Variants in GRIP1 observed in about 807,000 individuals in gnomAD.
GRIP1 encodes the protein glutamate receptor-interacting protein 1.
Under a neutral mutation model 129.9 loss-of-function variants are expected in GRIP1, and 45 were observed. The observed-to-expected ratio is 0.35, with a 90% CI of 0.27 to 0.44. GRIP1 has a LOEUF of 0.44. Among genes scored for constraint, GRIP1 ranks in the 20% least tolerant of loss-of-function variants. GRIP1 has a pLI of 1.00. For missense variants in GRIP1, 1,196 were observed against 1,396.8 expected (o/e 0.86, Z 2.29); for synonymous variants, 530 against 520.8 (o/e 1.02, Z -0.24).
intron 4 of GRIP1, among the ~76,000 whole-genome samples, chr12:66,537,174 C>G (rs2061630610): frequency 6.6e-6 from 1 of 152,140 alleles, no homozygotes; most frequent in Non-Finnish European, 1.5e-5. Context: ...CAAATACTAA[C>G]TTAATTAATC....
intron 15 of GRIP1, among the ~76,000 whole-genome samples, chr12:66,419,309 G>A (rs1042349029): frequency 6.6e-6 from 1 of 151,148 alleles, no homozygotes; most frequent in African/African-American, 2.5e-5. Context: ...GAAGGGTAGT[G>A]GGGGGGTCAG....
intron 1 of GRIP1, among the ~76,000 whole-genome samples, chr12:66,700,268 A>C (rs1396274252): frequency 6.6e-6 from 1 of 152,152 alleles, no homozygotes; most frequent in African/African-American, 2.4e-5. Flanking sequence ...CTGGAGCAAC[A>C]GGTGCTTTGA....
intron 1 of GRIP1, among the ~76,000 whole-genome samples, chr12:66,849,915 C>A (rs2039881016): frequency 6.6e-6 from 1 of 152,170 alleles, no homozygotes; most frequent in Non-Finnish European, 1.5e-5. Context: ...CAATTTCTGG[C>A]TCTGTCGGTC....
At chr12:66,492,951 A>C (rs1224944822) in intron 7 of GRIP1, among the ~76,000 whole-genome samples, 4 of 152,196 alleles carry the variant, frequency 2.6e-5, no homozygotes, top group African/African-American at 9.7e-5. Flanking sequence ...CGGAGGTTGC[A>C]GTGAACCAAG....
intron 1 of GRIP1, among the ~76,000 whole-genome samples, chr12:66,710,670 T>C (rs928620620): frequency 1.3e-5 from 2 of 151,974 alleles, no homozygotes; most frequent in South Asian, 2.1e-4. Context: ...CCGCCCATCA[T>C]GCACTTTGCA....
chr12:67,006,986 A>G (rs2042636422), intron 1 of GRIP1, among the ~76,000 whole-genome samples: 2 of 152,342 alleles, frequency 1.3e-5, no homozygotes, highest in African/African-American at 2.4e-5. Context: ...AACAAAATCA[A>G]TCATCATAAA....
chr12:66,814,409 T>A (rs1566036061), intron 1 of GRIP1, among the ~76,000 whole-genome samples: 1 of 152,152 alleles, frequency 6.6e-6, no homozygotes, highest in African/African-American at 2.4e-5. Context: ...CACTTTATTA[T>A]AGCTGCTTCT....
At chr12:66,757,041 CAT>C (rs1353349502) in intron 1 of GRIP1, among the ~76,000 whole-genome samples, 1 of 152,196 alleles carries the variant, frequency 6.6e-6, no homozygotes, top group African/African-American at 2.4e-5. Context: ...ATCATTATCA[CAT>C]GAGGGTAAAT....
chr12:66,586,982 T>C (rs1345606257), intron 2 of GRIP1, among the ~76,000 whole-genome samples: 1 of 152,170 alleles, frequency 6.6e-6, no homozygotes, highest in Non-Finnish European at 1.5e-5. Flanking sequence ...CTCAGAATAA[T>C]ATCCAAACTC....
intron 15 of GRIP1, among the ~76,000 whole-genome samples, chr12:66,409,800 A>C (rs1306259558): frequency 1.3e-5 from 2 of 152,240 alleles, no homozygotes; most frequent in East Asian, 3.9e-4. Context: ...AGTGTGTGAT[A>C]ATACAGATCA....
intron 24 of GRIP1, among the ~76,000 whole-genome samples, chr12:66,351,701 G>A (rs957374236): frequency 1.3e-5 from 2 of 152,066 alleles, no homozygotes; most frequent in African/African-American, 4.8e-5. Flanking sequence ...ATATAGGAGG[G>A]GCCCCTAGTC....
At chr12:66,999,579 G>A (rs1008493920) in intron 1 of GRIP1, among the ~76,000 whole-genome samples, 3 of 152,154 alleles carry the variant, frequency 2.0e-5, no homozygotes, top group Non-Finnish European at 4.4e-5. Flanking sequence ...AGAAGATTAA[G>A]TAAGTGAATA....
chr12:66,556,689 A>C (rs2062345313), intron 2 of GRIP1, among the ~76,000 whole-genome samples: 1 of 152,088 alleles, frequency 6.6e-6, no homozygotes, highest in African/African-American at 2.4e-5. Flanking sequence ...GACAAGTTGA[A>C]GTGTAGAGTT....
At chr12:66,896,812 G>A (rs1298858434) in intron 1 of GRIP1, among the ~76,000 whole-genome samples, 3 of 152,168 alleles carry the variant, frequency 2.0e-5, no homozygotes, top group Non-Finnish European at 4.4e-5. Context: ...TAAGTGTCAC[G>A]AAACAAGAAT....
intron 7 of GRIP1, among the ~76,000 whole-genome samples, chr12:66,475,628 C>T (rs1453534702): frequency 3.9e-5 from 6 of 152,224 alleles, no homozygotes; most frequent in Non-Finnish European, 7.3e-5. Context: ...AACAAACTGT[C>T]TCTCAGACCA....
chr12:66,608,968 TATA>T (rs2064672065), intron 1 of GRIP1, among the ~76,000 whole-genome samples: 2 of 147,626 alleles, frequency 1.4e-5, no homozygotes, highest in Admixed American at 6.8e-5. Flanking sequence ...ATATTATATA[TATA>T]TTTTTTTACA....
Position 67,028,104 on chromosome 12 carries a change from C to G in GRIP1, c.58+40946G>C, listed in dbSNP as rs147101478. On this transcript the variant is annotated intron_variant, in intron 1 of 1. Coordinates refer to the GRIP1 transcript ENST00000643019. Reference sequence around the variant, plus strand: ...ATTTTCTGGACCCAACAATATCTTCCAGGGGGAGGCATTTTTGGATGTCCT... The same window carrying G: ...ATTTTCTGGACCCAACAATATCTTCGAGGGGGAGGCATTTTTGGATGTCCT... 5.6e-3 allele frequency among the ~76,000 whole-genome samples: 859 copies of G among 152,272 alleles called. 13 individuals are homozygous for G. Among genetic ancestry groups the G allele is most frequent in the African/African-American group, 0.019 (805 of 41,552 alleles).
chr12:66,951,713 T>A (rs1325694570), intron 1 of GRIP1, among the ~76,000 whole-genome samples: 1 of 152,214 alleles, frequency 6.6e-6, no homozygotes, highest in East Asian at 1.9e-4. Context: ...TCTGCTAGCT[T>A]AGCCTTGCGT....
At chr12:66,981,597 T>C (rs1298657140) in intron 1 of GRIP1, among the ~76,000 whole-genome samples, 1 of 152,216 alleles carries the variant, frequency 6.6e-6, no homozygotes, top group African/African-American at 2.4e-5. Context: ...ACTTAGACTT[T>C]AGGTTGAAAA....
Sources: gnomAD v4.1 joint callset for allele counts (sites outside exome capture counted in the v4.1 genomes callset) on GRCh38, gnomAD v4.1.1 for gene constraint, MANE v1.5 for transcripts, NCBI Gene and HGNC (gene_info 2026-07-23, HGNC 2026-07-21) for gene names.